The following SASH1 variants were observed in gnomAD, a reference collection of about 807,000 sequenced individuals.
SASH1 encodes the protein SAM and SH3 domain-containing protein 1.
A neutral mutation model predicts 125.2 loss-of-function variants in SASH1; 44 were observed. The observed-to-expected ratio is 0.35, with a 90% CI of 0.28 to 0.45. The LOEUF (loss-of-function observed/expected upper bound fraction) is 0.45. Among genes scored for constraint, SASH1 ranks in the 20% least tolerant of loss-of-function variants. SASH1 has a pLI of 1.00. For missense variants in SASH1, 1,426 were observed against 1,614.5 expected, an observed-to-expected ratio of 0.88 and a Z score of 2.00; for synonymous variants, 639 against 649.1, an observed-to-expected ratio of 0.98 and a Z score of 0.24.
chr6:148,508,431 T>G (rs2115301272), intron 8 of SASH1: 1 of 991,952 alleles, frequency 1.0e-6, no homozygotes, highest in East Asian at 1.1e-4. Flanking sequence ...TTCTTTTTTC[T>G]GTCTCTGGAA....
intron 1 of SASH1, among the ~76,000 whole-genome samples, chr6:148,375,069 C>A (rs1782839788): frequency 2.0e-5 from 3 of 151,924 alleles, no homozygotes; most frequent in Non-Finnish European, 4.4e-5. Flanking sequence ...TAGCTCACTG[C>A]AGCCTCAACC....
chr6:148,284,865 A>G (rs950436660), intron 1 of SASH1, among the ~76,000 whole-genome samples: 9 of 152,224 alleles, frequency 5.9e-5, no homozygotes, highest in Admixed American at 2.6e-4. Context: ...TAGAGTCCCA[A>G]TAGAAATGGC....
intron 1 of SASH1, among the ~76,000 whole-genome samples, chr6:148,309,226 T>C (rs547081218): frequency 6.6e-6 from 1 of 151,324 alleles, no homozygotes; most frequent in Admixed American, 6.6e-5. Context: ...CCAGAAAGAG[T>C]GATGGAGTAT....
chr6:148,265,507 C>A, the SASH1 span, among the ~76,000 whole-genome samples: 2 of 152,188 alleles, frequency 1.3e-5, no homozygotes, highest in Non-Finnish European at 2.9e-5. Context: ...AGGTGCTCCC[C>A]ATGCCTCTTG....
rs555568758 is a variant in SASH1, at chr6:148,362,117, C to T, written c.156+18894C>T. 2.2e-3 allele frequency among the ~76,000 whole-genome samples: 326 copies of T among 151,442 alleles called. 2 individuals carry two copies. The highest frequency in any genetic ancestry group is 0.015 in the South Asian group (71 of 4,764). On this transcript the variant is annotated intron_variant, in intron 1 of 19. Coordinates refer to ENST00000367467, the MANE Select transcript of SASH1 (RefSeq NM_015278.5). The stretch of plus-strand genomic sequence containing the variant: ...TTGTTTGTTGTATTTTTAGTAGAGA[C>T]GGGGTTTCTCCGTGTTAGCCAGGAT...
At chr6:148,475,500 GC>G (rs1332298855) in intron 7 of SASH1, among the ~76,000 whole-genome samples, 3 of 152,146 alleles carry the variant, frequency 2.0e-5, no homozygotes, top group African/African-American at 7.2e-5. Flanking sequence ...GCTAAAGGGG[GC>G]AAACTTGCCC....
Position 148,533,660 on chromosome 6 carries a change from C to A in SASH1, c.1735-111C>A. The A allele has an allele frequency of 2.9e-6, 3 of 1,018,484 alleles. No homozygotes were observed. Among genetic ancestry groups the A allele is most frequent in the Non-Finnish European group, 4.4e-6 (3 of 679,558 alleles). The allele number at this position is 1,018,484 out of a possible 1,614,324, so 63.1% of individuals were successfully genotyped here. Reference sequence around the variant, plus strand: ...AGGGGTGACTTGTGGGACCCCGATTCTGGCCTTTGTGGCATCTTCACTTCT... The same window carrying A: ...AGGGGTGACTTGTGGGACCCCGATTATGGCCTTTGTGGCATCTTCACTTCT... On this transcript the variant is annotated intron_variant, in intron 14 of 19. Coordinates refer to ENST00000367467, the MANE Select transcript of SASH1 (RefSeq NM_015278.5). This position sits in a 1 kb window ranked among gnomAD's most constrained non-coding sequence, Gnocchi z 6.2.
the SASH1 span, among the ~76,000 whole-genome samples, chr6:148,232,295 G>T: frequency 1.3e-5 from 2 of 152,146 alleles, no homozygotes; most frequent in Non-Finnish European, 2.9e-5. Flanking sequence ...AATATGGAAG[G>T]CAATAGGTAA....
At chr6:148,294,997 A>C (rs1482526288) in intron 1 of SASH1, among the ~76,000 whole-genome samples, 1 of 152,216 alleles carries the variant, frequency 6.6e-6, no homozygotes, top group Non-Finnish European at 1.5e-5. Context: ...AAATAGGCAA[A>C]GAAAAATTAA....
intron 2 of SASH1, among the ~76,000 whole-genome samples, chr6:148,437,939 T>C (rs1174335323): frequency 6.6e-6 from 1 of 152,216 alleles, no homozygotes; most frequent in Non-Finnish European, 1.5e-5. Context: ...ATGATGCACT[T>C]AGCAAATAAA....
At chr6:148,507,309 C>T (rs1480425939) in intron 8 of SASH1, among the ~76,000 whole-genome samples, 1 of 152,064 alleles carries the variant, frequency 6.6e-6, no homozygotes, top group Non-Finnish European at 1.5e-5. Flanking sequence ...GCAATGTGTG[C>T]GTGGTAAAAC....
At chr6:148,398,115 A>G (rs1784031142) in intron 2 of SASH1, among the ~76,000 whole-genome samples, 1 of 152,188 alleles carries the variant, frequency 6.6e-6, no homozygotes, top group South Asian at 2.1e-4. Flanking sequence ...GGAGGGGTAA[A>G]TGTGGCTAGA....
At chr6:148,392,855 A>AT (rs1291882570) in intron 2 of SASH1, among the ~76,000 whole-genome samples, 1 of 152,100 alleles carries the variant, frequency 6.6e-6, no homozygotes, top group Non-Finnish European at 1.5e-5. Flanking sequence ...ACATGTGTGA[A>AT]TGCTGGGGTT....
chr6:148,538,819 G>GA (rs1399082970), intron 16 of SASH1, among the ~76,000 whole-genome samples: 1 of 152,150 alleles, frequency 6.6e-6, no homozygotes, highest in Non-Finnish European at 1.5e-5. Flanking sequence ...GTTGGTGGGG[G>GA]ATGAAAAGAA....
chr6:148,277,777 C>T (rs549208252), intron 1 of SASH1, among the ~76,000 whole-genome samples: 1 of 151,570 alleles, frequency 6.6e-6, no homozygotes, highest in Non-Finnish European at 1.5e-5. Context: ...AGTACAGTGG[C>T]GTGATCTCAG....
intron 15 of SASH1, 141 bp from the exon 16 acceptor site, chr6:148,534,610 T>C: frequency 1.2e-6 from 1 of 819,900 alleles, no homozygotes; most frequent in Non-Finnish European, 2.1e-6. Context: ...ACAGGATCCA[T>C]TGCAAATGAT....
At chr6:148,356,191 C>T (rs1231486081) in intron 1 of SASH1, among the ~76,000 whole-genome samples, 1 of 151,516 alleles carries the variant, frequency 6.6e-6, no homozygotes, top group Non-Finnish European at 1.5e-5. Context: ...TTCCAGTGAT[C>T]CTCCTGCCTC....
intron 1 of SASH1, among the ~76,000 whole-genome samples, chr6:148,288,480 A>G (rs1779543880): frequency 6.6e-6 from 1 of 152,242 alleles, no homozygotes; most frequent in East Asian, 1.9e-4. Flanking sequence ...GAAGGGGTTG[A>G]ACTACCTATG....
chr6:148,218,469 A>G, the SASH1 span, among the ~76,000 whole-genome samples: 1 of 152,196 alleles, frequency 6.6e-6, no homozygotes, highest in East Asian at 1.9e-4. Flanking sequence ...TACAGGGCTC[A>G]TTTTCTTTAG....
Sources: gnomAD v4.1 joint callset for allele counts (sites outside exome capture counted in the v4.1 genomes callset) on GRCh38, gnomAD v4.1.1 for gene constraint, Gnocchi (gnomAD v3.1) non-coding constraint, MANE v1.5 for transcripts, NCBI Gene and HGNC (gene_info 2026-07-23, HGNC 2026-07-21) for gene names.